PIGN: variants seen among roughly 807,000 people sequenced by gnomAD.
PIGN encodes the protein GPI ethanolamine phosphate transferase 1.
In PIGN, 117 loss-of-function variants were observed where a neutral mutation model predicts 125.4. That is an observed-to-expected ratio of 0.93 (90% CI 0.80 to 1.09). The LOEUF is 1.09. PIGN is among the 50% of genes least tolerant of loss of function. The pLI is 0.00. For missense variants in PIGN, 1,075 were observed against 1,094.9 expected (o/e 0.98, Z 0.26); for synonymous variants, 392 against 377.8 (o/e 1.04, Z -0.44).
At chr18:62,183,831 C>A (rs2037801778) in intron 1 of PIGN, among the ~76,000 whole-genome samples, 1 of 143,154 alleles carries the variant, frequency 7.0e-6, no homozygotes, top group Non-Finnish European at 1.5e-5. Flanking sequence ...GATGTGAAGA[C>A]TGAAAATACT....
intron 28 of PIGN, among the ~76,000 whole-genome samples, chr18:62,079,717 GA>G (rs139782575): frequency 0.016 from 1,673 of 102,820 alleles, 22 homozygotes; most frequent in East Asian, 0.071. Context: ...AACTGTAGAA[GA>G]AAAAAAAAAA....
chr18:62,148,333 GA>G lies in PIGN; in HGVS notation c.554del (p.Phe185SerfsTer15). On this transcript the variant is annotated frameshift_variant, in exon 8 of 31. Transcript: ENST00000640252. LOFTEE classifies it high-confidence loss of function. Reference protein sequence around the residue: ...DTWVFDNVKDFFHHARNNQSL... With the variant: ...DTWVFDNVKDXFHHARNNQSL... ...ACTGGTTGTTTCTGGCATGATGAAA[GA>G]AGTCCTACATATAACAAATGAGTTA... is the stretch of plus-strand genomic sequence containing the variant. 1 of 1,508,046 alleles carries G rather than the reference GA, an allele frequency of 6.6e-7. No homozygotes were observed. The highest frequency in any genetic ancestry group is 8.9e-7 in the Non-Finnish European group (1 of 1,120,524). The allele number at this position is 1,508,046 out of a possible 1,614,324, so 93.4% of individuals were successfully genotyped here. A position where few individuals can be genotyped will look rare whatever the true frequency, so the allele number is the denominator to read the frequency against.
intron 16 of PIGN, among the ~76,000 whole-genome samples, chr18:62,112,129 T>C (rs1037722559): frequency 1.3e-5 from 2 of 152,152 alleles, no homozygotes; most frequent in African/African-American, 4.8e-5. Flanking sequence ...TCTAGCACTG[T>C]TATGAGTTCT....
At chr18:62,175,711 A>C (rs2037501878) in intron 1 of PIGN, among the ~76,000 whole-genome samples, 1 of 152,172 alleles carries the variant, frequency 6.6e-6, no homozygotes, top group Non-Finnish European at 1.5e-5. Context: ...GAAGGCAATG[A>C]CTGTGTTTCT....
At chr18:62,093,355 A>T (rs1402067728) in intron 23 of PIGN, among the ~76,000 whole-genome samples, 1 of 152,126 alleles carries the variant, frequency 6.6e-6, no homozygotes, top group Non-Finnish European at 1.5e-5. Flanking sequence ...AACAATCAAT[A>T]GTTCATATAA....
chr18:62,111,760 T>A (rs924549393), intron 16 of PIGN, among the ~76,000 whole-genome samples: 1 of 152,208 alleles, frequency 6.6e-6, no homozygotes, highest in African/African-American at 2.4e-5. Flanking sequence ...TAGTGTATTT[T>A]ATGTGTGCCC....
At chr18:62,114,483 C>T (rs1803505233) in intron 15 of PIGN, 78 bp downstream of exon 15, 1 of 849,462 alleles carries the variant, frequency 1.2e-6, no homozygotes, top group Non-Finnish European at 2.0e-6. Flanking sequence ...CCTGGCCTGC[C>T]TACTTTGCTC....
chr18:62,067,794 A>G (rs920503707), intron 30 of PIGN, among the ~76,000 whole-genome samples: 1 of 152,158 alleles, frequency 6.6e-6, no homozygotes, highest in Non-Finnish European at 1.5e-5. Flanking sequence ...ATTCCTGTAC[A>G]AGTCTTTCAG....
intron 19 of PIGN, 68 bp from the exon 20 acceptor site, chr18:62,105,702 A>T: frequency 5.0e-6 from 4 of 796,290 alleles, no homozygotes; most frequent in Non-Finnish European, 7.9e-6. Context: ...TGTTTCACAG[A>T]CTATATGACT....
At chr18:62,119,167 A>T (rs1206022745) in intron 14 of PIGN, among the ~76,000 whole-genome samples, 2 of 152,198 alleles carry the variant, frequency 1.3e-5, no homozygotes, top group Non-Finnish European at 2.9e-5. Flanking sequence ...CTTTGTGGCC[A>T]TCAGAGGACA....
rs141700078 is a variant in PIGN at position 62,034,361 on chromosome 18, C to A, written c.2143-16620G>T. 1.5e-3 allele frequency among the ~76,000 whole-genome samples: 232 copies of A among 152,292 alleles called. 1 individual carries two copies. The highest frequency in any genetic ancestry group is 6.0e-3 in the East Asian group (31 of 5,168). ...CTGTGTTGGAGCTCCCACACAGAGT[C>A]TCCACTGGTGTACTGCCTAGTGGAG... On this transcript the variant is annotated intron_variant, in intron 23 of 24. Coordinates refer to the PIGN transcript ENST00000639600.
chr18:62,025,508 T>C (rs192089412), intron 23 of PIGN, among the ~76,000 whole-genome samples: 2 of 152,142 alleles, frequency 1.3e-5, no homozygotes, highest in African/African-American at 2.4e-5. Context: ...TAGCAAGAGA[T>C]GAAGCTGGAA....
At chr18:62,182,022 G>A (rs1047113802) in intron 1 of PIGN, among the ~76,000 whole-genome samples, 5 of 152,074 alleles carry the variant, frequency 3.3e-5, no homozygotes, top group Admixed American at 2.0e-4. Context: ...CACCATGCCC[G>A]GCTGCCTTCT....
chr18:62,164,445 C>A (rs182203983), intron 1 of PIGN, among the ~76,000 whole-genome samples: 10 of 152,288 alleles, frequency 6.6e-5, no homozygotes, highest in African/African-American at 2.4e-4. Flanking sequence ...AAACTTAAAT[C>A]ATGGTAGAAG....
At chr18:62,088,725 C>G (rs2033823777) in intron 25 of PIGN, 31 bp downstream of exon 25, 2 of 1,236,676 alleles carry the variant, frequency 1.6e-6, no homozygotes, top group East Asian at 2.5e-5. Flanking sequence ...GGAGTTGCAG[C>G]TCTTTAAACC....
At chr18:62,138,961 C>A in intron 13 of PIGN, 22 bp downstream of exon 13, 2 of 1,343,966 alleles carry the variant, frequency 1.5e-6, no homozygotes, top group Non-Finnish European at 2.1e-6. Context: ...TTTGTGCGTG[C>A]CTTTTTGAAT....
intron 4 of PIGN, among the ~76,000 whole-genome samples, chr18:62,158,358 T>C (rs1056551743): frequency 6.6e-6 from 1 of 152,142 alleles, no homozygotes; most frequent in African/African-American, 2.4e-5. Context: ...AGGTAAAGGG[T>C]ATACAGATGT....
chr18:62,072,569 G>T, intron 30 of PIGN, 104 bp downstream of exon 30: 1 of 877,476 alleles, frequency 1.1e-6, no homozygotes, highest in Non-Finnish European at 1.8e-6. Context: ...CTAGGTTTGT[G>T]TGAATATACT....
chr18:62,182,802 T>G (rs974045230), intron 1 of PIGN, among the ~76,000 whole-genome samples: 1 of 152,146 alleles, frequency 6.6e-6, no homozygotes, highest in Non-Finnish European at 1.5e-5. Flanking sequence ...ACACGGATGT[T>G]CCTGAAGCCT....
Sources: gnomAD v4.1 joint callset for allele counts (sites outside exome capture counted in the v4.1 genomes callset) on GRCh38, gnomAD v4.1.1 for gene constraint, MANE v1.5 for transcripts, NCBI Gene and HGNC (gene_info 2026-07-23, HGNC 2026-07-21) for gene names.